CFAP20DC: variants seen among roughly 807,000 people sequenced by gnomAD.
The protein encoded by CFAP20DC is protein CFAP20DC.
A neutral mutation model predicts 101.7 loss-of-function variants in CFAP20DC; 84 were observed. That is an observed-to-expected ratio of 0.83 (90% confidence interval 0.69 to 0.99). CFAP20DC has a LOEUF of 0.99. Among genes scored for constraint, CFAP20DC ranks in the 50% least tolerant of loss-of-function variants. The pLI, the probability that CFAP20DC is intolerant of heterozygous loss-of-function variation, is 0.00. For synonymous variants in CFAP20DC, 359 were observed against 351.2 expected (o/e 1.02, Z -0.25); for missense variants, 1,007 against 970.3 (o/e 1.04, Z -0.50).
rs146785599 is a variant in CFAP20DC at position 58,773,521 on chromosome 3, A to G, written c.2238-19658T>C. ...TAGTGAGGTATGATTGTGCCACTGC[A>G]CTCCAGCTTGGGTGACAGAATGAGA... On this transcript the variant is annotated intron_variant, in intron 15 of 16. Coordinates refer to ENST00000482387, the MANE Select transcript of CFAP20DC (RefSeq NM_001394063.1). 1.8e-3 allele frequency among the ~76,000 whole-genome samples: 267 copies of G among 152,232 alleles called. 3 individuals carry two copies. In the East Asian group the frequency reaches 0.033, roughly 19 times the overall value.
chr3:58,823,292 G>C (rs2075816113), intron 14 of CFAP20DC, among the ~76,000 whole-genome samples: 6 of 152,078 alleles, frequency 3.9e-5, no homozygotes, highest in Admixed American at 3.3e-4. Context: ...ATATGTAGCA[G>C]TAAACCTATT....
At chr3:58,777,691 G>T (rs2071456762) in intron 15 of CFAP20DC, among the ~76,000 whole-genome samples, 1 of 152,190 alleles carries the variant, frequency 6.6e-6, no homozygotes, top group African/African-American at 2.4e-5. Flanking sequence ...CTGGGAGTCT[G>T]GAGTGGCTTC....
intron 4 of CFAP20DC, among the ~76,000 whole-genome samples, chr3:58,979,150 G>C (rs6802978): frequency 0.029 from 4,487 of 152,172 alleles, 225 homozygotes; most frequent in African/African-American, 0.1. Context: ...CACAAAACCT[G>C]GCCTGCAAGT....
downstream of CFAP20DC, among the ~76,000 whole-genome samples, chr3:58,740,080 T>G (rs148251999): frequency 7.9e-5 from 12 of 152,268 alleles, no homozygotes; most frequent in African/African-American, 2.9e-4. This position sits in a 1 kb window ranked among gnomAD's most constrained non-coding sequence, Gnocchi z 4.6. Flanking sequence ...GAGTTAACAT[T>G]TCTGCATGGT....
chr3:58,983,835 G>A (rs1192923043), intron 4 of CFAP20DC, among the ~76,000 whole-genome samples: 1 of 152,118 alleles, frequency 6.6e-6, no homozygotes, highest in East Asian at 1.9e-4. Flanking sequence ...GAGGCACAAG[G>A]ACACTAAGTA....
At chr3:58,998,821 T>G (rs1359938944) in intron 4 of CFAP20DC, among the ~76,000 whole-genome samples, 1 of 152,198 alleles carries the variant, frequency 6.6e-6, no homozygotes, top group Non-Finnish European at 1.5e-5. Context: ...ATTGCCCACA[T>G]GTCATGAGCA....
intron 5 of CFAP20DC, among the ~76,000 whole-genome samples, chr3:58,934,895 T>A (rs2087303218): frequency 6.6e-6 from 1 of 152,144 alleles, no homozygotes; most frequent in South Asian, 2.1e-4. Context: ...CCACTCCTAT[T>A]CAACATAGTG....
chr3:58,736,762 G>T (rs2067765994), intron 3 of CFAP20DC, among the ~76,000 whole-genome samples: 1 of 152,144 alleles, frequency 6.6e-6, no homozygotes, highest in African/African-American at 2.4e-5. Flanking sequence ...GATAAGTTGG[G>T]CTGATGAAAA....
At chr3:58,916,199 T>C (rs1305886119) in intron 5 of CFAP20DC, among the ~76,000 whole-genome samples, 1 of 152,114 alleles carries the variant, frequency 6.6e-6, no homozygotes, top group Admixed American at 6.6e-5. Flanking sequence ...GACTTGGAGG[T>C]GACATCTGAG....
chr3:58,874,653 C>A lies in CFAP20DC; in HGVS notation c.716-4344G>T, dbSNP rs555393885. On this transcript the variant is annotated intron_variant, in intron 7 of 16. Transcript: ENST00000482387. The surrounding 1 kb of genome is among the most constrained non-coding windows in gnomAD (Gnocchi z 5.1). ...TTTCCTTTCCCTCTTGACCTTTATGCCTCAGTTCACATATCATTTCCTCAG... is the reference window on the plus strand; with the variant it reads ...TTTCCTTTCCCTCTTGACCTTTATGACTCAGTTCACATATCATTTCCTCAG... Among the ~76,000 whole-genome samples the A allele has an allele frequency of 1.5e-4, 23 of 152,256 alleles. No individual in the cohort carries two copies. Among genetic ancestry groups the A allele is most frequent in the African/African-American group, 5.5e-4 (23 of 41,554 alleles).
chr3:58,890,512 C>G (rs1163563867), intron 6 of CFAP20DC, among the ~76,000 whole-genome samples: 1 of 148,916 alleles, frequency 6.7e-6, no homozygotes, highest in Non-Finnish European at 1.5e-5. Context: ...GTAGGGGCAG[C>G]CGGGCAGAGG....
intron 15 of CFAP20DC, among the ~76,000 whole-genome samples, chr3:58,762,746 C>G (rs549275134): frequency 1.1e-4 from 17 of 150,706 alleles, no homozygotes; most frequent in South Asian, 8.4e-4. Flanking sequence ...GTGACAAAAT[C>G]TCTCAGCATT....
intron 13 of CFAP20DC, among the ~76,000 whole-genome samples, chr3:58,847,698 C>G (rs1575899630): frequency 6.9e-6 from 1 of 144,880 alleles, no homozygotes; most frequent in East Asian, 2.1e-4. Flanking sequence ...AATCATGCTG[C>G]TATAAAGACA....
Position 58,732,818 on chromosome 3 carries a change from GT to G in CFAP20DC, c.198-15191del, listed in dbSNP as rs1381938593. On this transcript the variant is annotated intron_variant, in intron 3 of 3. Coordinates refer to the CFAP20DC transcript ENST00000486145. This position sits in a 1 kb window ranked among gnomAD's most constrained non-coding sequence, Gnocchi z 5.4. Reference sequence around the variant, plus strand: ...ACCATGGTTTTGAAGACACTGGTATGTCTTTGGTGAAATGTTCTATATCTAT... The same window carrying G: ...ACCATGGTTTTGAAGACACTGGTATGCTTTGGTGAAATGTTCTATATCTAT... 6.6e-6 allele frequency among the ~76,000 whole-genome samples: 1 copy of G among 152,194 alleles called. No homozygotes were observed. Among genetic ancestry groups the G allele is most frequent in the East Asian group, 1.9e-4 (1 of 5,196 alleles).
Position 58,831,690 on chromosome 3 carries a change from G to A in CFAP20DC, c.2171C>T (p.Pro724Leu), listed in dbSNP as rs545210454. Residue 724 changes from proline (P) to leucine (L), a missense_variant, in exon 14 of 17, where the codon CCA (proline) becomes CTA (leucine). Pro to Leu is a moderately conservative substitution (Grantham distance 98). Transcript: ENST00000482387. ...DDTTTWNSCLPPPVNQGRHYQ... is the reference protein window; with the variant it reads ...DDTTTWNSCLLPPVNQGRHYQ... ...GCTGCAAAGCCAGGGACTCACGGGTGGCAGGCAGGAGTTCCAGGTGGTTGT... is the reference window on the plus strand; with the variant it reads ...GCTGCAAAGCCAGGGACTCACGGGTAGCAGGCAGGAGTTCCAGGTGGTTGT... 9.3e-6 allele frequency: 15 copies of A among 1,613,574 alleles called. No homozygotes were observed. In the East Asian group the frequency reaches 3.1e-4, roughly 34 times the overall value.
Position 58,817,348 on chromosome 3 carries a change from T to C in CFAP20DC, c.2176-10892A>G, listed in dbSNP as rs540477627. On this transcript the variant is annotated intron_variant, in intron 14 of 16. Transcript: ENST00000482387. The stretch of plus-strand genomic sequence containing the variant: ...CAGACGATCAAATTACTCTGAGCTA[T>C]GGGAGGACATTCAAACCAAAGGCAA... Among the ~76,000 whole-genome samples, 1,223 of 152,038 alleles carry C rather than the reference T, an allele frequency of 8.0e-3. 20 individuals carry two copies. Among genetic ancestry groups the C allele is most frequent in the African/African-American group, 0.028 (1,156 of 41,476 alleles).
intron 15 of CFAP20DC, among the ~76,000 whole-genome samples, chr3:58,777,828 C>CTG: frequency 6.6e-6 from 1 of 152,306 alleles, no homozygotes; most frequent in East Asian, 1.9e-4. Context: ...AGACAAGGCG[C>CTG]TGTCTGGAGA....
At chr3:58,786,283 G>C (rs532529750) in intron 15 of CFAP20DC, among the ~76,000 whole-genome samples, 1 of 152,024 alleles carries the variant, frequency 6.6e-6, no homozygotes, top group Non-Finnish European at 1.5e-5. Flanking sequence ...CTTTATATTT[G>C]TGTTCTAGGT....
At chr3:58,877,804 T>C (rs138128977) in intron 7 of CFAP20DC, among the ~76,000 whole-genome samples, 125 of 152,274 alleles carry the variant, frequency 8.2e-4, no homozygotes, top group African/African-American at 2.9e-3. Context: ...TTATTAATGA[T>C]TGTATAGATA....
Sources: gnomAD v4.1 joint callset for allele counts (sites outside exome capture counted in the v4.1 genomes callset) on GRCh38, gnomAD v4.1.1 for gene constraint, Gnocchi (gnomAD v3.1) non-coding constraint, MANE v1.5 for transcripts, NCBI Gene and HGNC (gene_info 2026-07-23, HGNC 2026-07-21) for gene names.